ADK: variants seen among roughly 807,000 people sequenced by gnomAD.
ADK encodes N6,N6-dimethyladenosine kinase.
Under a neutral mutation model 44.7 loss-of-function variants are expected in ADK, and 24 were observed. That is an observed-to-expected ratio of 0.54 (90% confidence interval 0.39 to 0.76). The LOEUF (loss-of-function observed/expected upper bound fraction) is 0.76, where lower values mean the gene tolerates loss of function less well. ADK is among the 30% of genes least tolerant of loss of function. The pLI, the probability that ADK is intolerant of heterozygous loss-of-function variation, is 0.00. For synonymous variants in ADK, 128 were observed against 142.6 expected (o/e 0.90, Z 0.73); for missense variants, 321 against 425.1 (o/e 0.76, Z 2.15).
At chr10:74,611,834 C>T (rs941364499) in intron 9 of ADK, among the ~76,000 whole-genome samples, 4 of 152,152 alleles carry the variant, frequency 2.6e-5, no homozygotes, top group African/African-American at 9.6e-5. Flanking sequence ...CATAGTATTA[C>T]ATGGTGTATA....
At position 74,349,195 on chromosome 10, in the gene ADK, A is replaced by G. The variant is rs1041659786; in HGVS notation, c.273+34450A>G. ...TCAGGTTACCTACAAAAGGAAGCCC[A>G]TCAGACCAATAGCAGATCTCTCTGC... is the stretch of plus-strand genomic sequence containing the variant. On this transcript the variant is annotated intron_variant, in intron 4 of 10. Transcript: ENST00000539909. Among the ~76,000 whole-genome samples, 7 of 152,364 alleles carry G rather than the reference A, an allele frequency of 4.6e-5. No homozygotes were observed. In the East Asian group the frequency reaches 9.6e-4, roughly 21 times the overall value.
intron 10 of ADK, among the ~76,000 whole-genome samples, chr10:74,703,905 A>G (rs1363008558): frequency 2.0e-5 from 3 of 152,210 alleles, no homozygotes; most frequent in Non-Finnish European, 2.9e-5. Flanking sequence ...AAATGTTAAC[A>G]ATATTGTGCA....
intron 8 of ADK, among the ~76,000 whole-genome samples, chr10:74,597,628 A>C (rs1851967837): frequency 6.6e-6 from 1 of 152,144 alleles, no homozygotes; most frequent in Non-Finnish European, 1.5e-5. Flanking sequence ...TCTCATGTAC[A>C]TTGAGATTAG....
chr10:74,432,485 T>C (rs1166582336), intron 6 of ADK, among the ~76,000 whole-genome samples: 4 of 152,240 alleles, frequency 2.6e-5, no homozygotes, highest in Non-Finnish European at 5.9e-5. Flanking sequence ...CTTAGTATTA[T>C]TGAAACTTAG....
chr10:74,235,069 G>C (rs577002753), intron 3 of ADK, among the ~76,000 whole-genome samples: 31 of 151,380 alleles, frequency 2.0e-4, no homozygotes, highest in African/African-American at 7.3e-4. Context: ...AGTAAAGCCT[G>C]ATGGAAGCCC....
At chr10:74,182,892 T>G (rs1302494321) in intron 1 of ADK, among the ~76,000 whole-genome samples, 2 of 152,160 alleles carry the variant, frequency 1.3e-5, no homozygotes, top group Non-Finnish European at 2.9e-5. Context: ...TCTCCCTACC[T>G]CTTCATACCT....
At chr10:74,176,766 C>G in intron 1 of ADK, 1 of 1,565,180 alleles carries the variant, frequency 6.4e-7, no homozygotes, top group Non-Finnish European at 8.6e-7. Context: ...CGCTCCCAGT[C>G]GCTGAGTGCC....
At chr10:74,383,186 A>G (rs1206809970) in intron 4 of ADK, among the ~76,000 whole-genome samples, 5 of 152,170 alleles carry the variant, frequency 3.3e-5, no homozygotes, top group Non-Finnish European at 7.4e-5. Flanking sequence ...GCCAGATTCT[A>G]TGCTGAACCT....
At chr10:74,472,972 G>A (rs913779549) in intron 6 of ADK, among the ~76,000 whole-genome samples, 1 of 151,504 alleles carries the variant, frequency 6.6e-6, no homozygotes, top group Non-Finnish European at 1.5e-5. Flanking sequence ...TGTTTGTTTT[G>A]GGGGGCAGAT....
chr10:74,707,159 C>T (rs1210971420), intron 10 of ADK, among the ~76,000 whole-genome samples: 2 of 152,178 alleles, frequency 1.3e-5, no homozygotes, highest in African/African-American at 2.4e-5. Flanking sequence ...CCTCAGCCTC[C>T]TGAGTAGCTA....
Position 74,471,825 on chromosome 10 carries a change from A to G in ADK, c.556-53431A>G, listed in dbSNP as rs117302943. Among the ~76,000 whole-genome samples, 1,151 of 152,238 alleles carry G rather than the reference A, an allele frequency of 7.6e-3. 7 individuals carry two copies. Among genetic ancestry groups the G allele is most frequent in the Middle Eastern group, 0.014 (4 of 294 alleles). On this transcript the variant is annotated intron_variant, in intron 6 of 10. Transcript: ENST00000539909. ...GGTTGTTCATTGTTAGTATTTTCAA[A>G]CACAATTAATTGTTTTATGTTTATT...
chr10:74,483,984 A>G (rs1449305170), intron 6 of ADK, among the ~76,000 whole-genome samples: 1 of 151,914 alleles, frequency 6.6e-6, no homozygotes, highest in African/African-American at 2.4e-5. Flanking sequence ...AACTGTTTCA[A>G]CCTCTGTGTG....
intron 7 of ADK, among the ~76,000 whole-genome samples, chr10:74,583,339 C>CTTTTTTTTTTTTTTTTTTTTTTTTTTTT (rs1263384573): frequency 6.6e-6 from 1 of 152,078 alleles, no homozygotes; most frequent in African/African-American, 2.4e-5. Flanking sequence ...ATTTAATACT[C>CTTTTTTTTTTTTTTTTTTTTTTTTTTTT]TTATTTTAGT....
intron 2 of ADK, among the ~76,000 whole-genome samples, chr10:74,209,636 C>T (rs1325723933): frequency 1.3e-4 from 20 of 149,450 alleles, no homozygotes; most frequent in African/African-American, 4.9e-4. Context: ...TTTTTAGAGA[C>T]AAGTTTTTCT....
intron 9 of ADK, 138 bp from the exon 10 acceptor site, chr10:74,670,045 C>T: frequency 1.4e-6 from 1 of 735,392 alleles, no homozygotes; most frequent in Admixed American, 2.1e-5. Flanking sequence ...TCCCAAGTGC[C>T]CCTGTACAGA....
intron 9 of ADK, among the ~76,000 whole-genome samples, chr10:74,612,263 C>T (rs182204194): frequency 1.1e-3 from 173 of 151,956 alleles, no homozygotes; most frequent in African/African-American, 4.1e-3. Flanking sequence ...CTTGTATGTT[C>T]CCATTTTTAA....
chr10:74,466,646 C>T (rs1183977028), intron 6 of ADK, among the ~76,000 whole-genome samples: 1 of 152,144 alleles, frequency 6.6e-6, no homozygotes, highest in East Asian at 1.9e-4. Flanking sequence ...CTGCAGCAGC[C>T]TTTTGAGATC....
At chr10:74,477,525 A>T (rs1248448186) in intron 6 of ADK, among the ~76,000 whole-genome samples, 5 of 152,196 alleles carry the variant, frequency 3.3e-5, no homozygotes, top group Non-Finnish European at 1.5e-5. Context: ...TTTAAAAGAT[A>T]ATAAGTATTC....
intron 1 of ADK, chr10:74,176,705 A>C: frequency 6.8e-7 from 1 of 1,466,662 alleles, no homozygotes. Flanking sequence ...TCCAATCAGC[A>C]CGCCGGGCCG....
Sources: gnomAD v4.1 joint callset for allele counts (sites outside exome capture counted in the v4.1 genomes callset) on GRCh38, gnomAD v4.1.1 for gene constraint, MANE v1.5 for transcripts, NCBI Gene and HGNC (gene_info 2026-07-23, HGNC 2026-07-21) for gene names.